TEX14: variants seen among roughly 807,000 people sequenced by gnomAD.
TEX14 encodes inactive serine/threonine-protein kinase TEX14.
Under a neutral mutation model 178.6 loss-of-function variants are expected in TEX14, and 168 were observed. The ratio of observed to expected loss-of-function variants is 0.94; its 90% confidence interval spans 0.83 to 1.07. TEX14 has a LOEUF of 1.07. Among genes scored for constraint, TEX14 ranks in the 50% least tolerant of loss-of-function variants. TEX14 has a pLI of 0.00. For missense variants in TEX14, 1,730 were observed against 1,753.6 expected, an observed-to-expected ratio of 0.99 and a Z score of 0.24; for synonymous variants, 626 against 634.1, an observed-to-expected ratio of 0.99 and a Z score of 0.19.
chr17:58,691,806 A>G (rs984161888), intron 1 of TEX14, 133 bp downstream of exon 1: 2 of 152,156 alleles, frequency 1.3e-5, no homozygotes, highest in African/African-American at 4.8e-5. Context: ...TCTGTAATTT[A>G]GAGGCGGTCA....
intron 23 of TEX14, among the ~76,000 whole-genome samples, chr17:58,572,751 G>A (rs1325851172): frequency 1.3e-5 from 2 of 151,926 alleles, no homozygotes; most frequent in Non-Finnish European, 2.9e-5. Flanking sequence ...TAAAATAAAC[G>A]GTGATTTTTT....
rs1283089031 is a variant in TEX14 at position 58,616,296 on chromosome 17, TAAG to T, written c.643_645del (p.Leu215del). On this transcript the variant is annotated inframe_deletion, in exon 7 of 32. Coordinates refer to ENST00000349033, the MANE Select transcript of TEX14 (RefSeq NM_031272.5). ...AGATAGGCCATCTGTGTCGCCCCAG[TAAG>T]ATAAAACTGAAACCAAGGCATAGCC... is the stretch of plus-strand genomic sequence containing the variant. 6.2e-7 allele frequency: 1 copy of T among 1,612,890 alleles called. No homozygotes were observed. Among genetic ancestry groups the T allele is most frequent in the East Asian group, 2.2e-5 (1 of 44,862 alleles).
Position 58,602,525 on chromosome 17 carries a change from A to G in TEX14, c.1402T>C (p.Leu468=). 2 of 1,614,040 alleles carry G rather than the reference A, an allele frequency of 1.2e-6. No homozygotes were observed. Among genetic ancestry groups the G allele is most frequent in the Non-Finnish European group, 1.7e-6 (2 of 1,180,014 alleles). The change falls in exon 12 of 32, where the codon TTA becomes CTA. Residue 468 remains leucine (L), a synonymous_variant. Transcript: ENST00000349033. ...VKKAVVSGNY[L]EADVRLPKPY... ...TTCGGAAGCCTGACATCAGCTTCTA[A>G]ATAATTCCCCGAGACTACGGCTTTT...
At chr17:58,647,340 G>C (rs1165637463) in intron 2 of TEX14, among the ~76,000 whole-genome samples, 1 of 151,314 alleles carries the variant, frequency 6.6e-6, no homozygotes, top group Non-Finnish European at 1.5e-5. Flanking sequence ...GACCATGCTG[G>C]CTAACACGGT....
At chr17:58,648,316 C>G (rs2046760041) in intron 2 of TEX14, among the ~76,000 whole-genome samples, 1 of 152,186 alleles carries the variant, frequency 6.6e-6, no homozygotes, top group South Asian at 2.1e-4. Context: ...CACCACTCAG[C>G]TCCCTCCCTC....
At chr17:58,618,341 G>T (rs990235504) in intron 5 of TEX14, among the ~76,000 whole-genome samples, 6 of 152,194 alleles carry the variant, frequency 3.9e-5, no homozygotes, top group African/African-American at 1.4e-4. Context: ...TGAAGCCCAG[G>T]AAAAGGAAAC....
chr17:58,672,222 C>A (rs1031078585), intron 1 of TEX14, among the ~76,000 whole-genome samples: 1 of 152,140 alleles, frequency 6.6e-6, no homozygotes, highest in Non-Finnish European at 1.5e-5. Context: ...TCCTGCTGTG[C>A]GGCCTAGTTC....
intron 1 of TEX14, among the ~76,000 whole-genome samples, chr17:58,683,376 C>A (rs191059762): frequency 4.1e-5 from 6 of 147,830 alleles, no homozygotes; most frequent in South Asian, 2.1e-4. Flanking sequence ...CCATCCCCCC[C>A]CCCAAAAAAA....
intron 1 of TEX14, among the ~76,000 whole-genome samples, chr17:58,683,824 T>TG: frequency 6.6e-6 from 1 of 150,802 alleles, no homozygotes; most frequent in East Asian, 2.0e-4. Context: ...CCCAGCACTT[T>TG]GGGAGGCTGA....
intron 2 of TEX14, among the ~76,000 whole-genome samples, chr17:58,640,601 G>A (rs1192166918): frequency 7.0e-6 from 1 of 142,790 alleles, no homozygotes; most frequent in Non-Finnish European, 1.5e-5. Context: ...CACATGCAGA[G>A]CTTACCTTCT....
chr17:58,593,166 A>C (rs968539227), intron 15 of TEX14, among the ~76,000 whole-genome samples: 1 of 152,034 alleles, frequency 6.6e-6, no homozygotes, highest in Non-Finnish European at 1.5e-5. Flanking sequence ...ATGTTGTTCA[A>C]CTCTCTCTGG....
chr17:58,595,587 G>A (rs1244256328), intron 14 of TEX14, among the ~76,000 whole-genome samples: 1 of 152,206 alleles, frequency 6.6e-6, no homozygotes, highest in South Asian at 2.1e-4. Context: ...AGAAGCTTGG[G>A]TGAGACTATT....
At chr17:58,557,293 C>T (rs565354910) in intron 31 of TEX14, among the ~76,000 whole-genome samples, 5 of 148,652 alleles carry the variant, frequency 3.4e-5, no homozygotes, top group Non-Finnish European at 7.4e-5. Flanking sequence ...TTTTTTGAGA[C>T]GGAGTCTTGC....
chr17:58,604,288 T>C (rs1292890465), intron 11 of TEX14, among the ~76,000 whole-genome samples: 1 of 151,108 alleles, frequency 6.6e-6, no homozygotes, highest in East Asian at 2.0e-4. Flanking sequence ...CTGGCCAATA[T>C]GGTAAAACCC....
chr17:58,660,071 A>G (rs2047076198), intron 1 of TEX14, among the ~76,000 whole-genome samples: 1 of 151,316 alleles, frequency 6.6e-6, no homozygotes, highest in African/African-American at 2.4e-5. Context: ...AACTAGATTG[A>G]TGGCTCACAT....
intron 5 of TEX14, among the ~76,000 whole-genome samples, chr17:58,618,052 C>G (rs2045914168): frequency 1.3e-5 from 2 of 152,244 alleles, no homozygotes; most frequent in South Asian, 4.1e-4. Context: ...CATCTTGGAA[C>G]TGAATTGTCC....
chr17:58,613,652 T>C (rs904326908), intron 8 of TEX14, 108 bp from the exon 9 acceptor site: 7 of 1,221,514 alleles, frequency 5.7e-6, no homozygotes, highest in Admixed American at 4.7e-5. Flanking sequence ...TTGTATACGA[T>C]GTTTTCTTTT....
chr17:58,618,558 A>G (rs887512637), intron 5 of TEX14, among the ~76,000 whole-genome samples: 1 of 152,188 alleles, frequency 6.6e-6, no homozygotes, highest in Non-Finnish European at 1.5e-5. Flanking sequence ...GTGCTCAGTT[A>G]ATGCTTGCCA....
intron 28 of TEX14, among the ~76,000 whole-genome samples, chr17:58,562,305 A>G: frequency 6.6e-6 from 1 of 152,138 alleles, no homozygotes; most frequent in Non-Finnish European, 1.5e-5. Flanking sequence ...TGCAGGGTAG[A>G]GTATTTTAAG....
Sources: allele counts gnomAD v4.1 joint callset (sites outside exome capture counted in the v4.1 genomes callset), GRCh38; gene constraint gnomAD v4.1.1; transcripts MANE v1.5; gene names NCBI Gene and HGNC (gene_info 2026-07-23, HGNC 2026-07-21).